Variants in AP2A2 observed in about 807,000 individuals in gnomAD.
AP2A2 encodes AP-2 complex subunit alpha-2.
AP2A2 carries 32 observed loss-of-function variants against 104.2 expected under a neutral mutation model. That is an observed-to-expected ratio of 0.31 (90% CI 0.23 to 0.41). The LOEUF (loss-of-function observed/expected upper bound fraction) is 0.41, where lower values mean the gene tolerates loss of function less well. AP2A2 is among the 10% of genes least tolerant of loss of function. The pLI is 1.00. For missense variants in AP2A2, 912 were observed against 1,261.0 expected, an observed-to-expected ratio of 0.72 and a Z score of 4.19; for synonymous variants, 539 against 533.3, an observed-to-expected ratio of 1.01 and a Z score of -0.15.
At chr11:962,705 C>T (rs1252689094) in intron 2 of AP2A2, among the ~76,000 whole-genome samples, 2 of 151,960 alleles carry the variant, frequency 1.3e-5, no homozygotes, top group Non-Finnish European at 2.9e-5. Context: ...TGCACTCCAG[C>T]CTGGGAGACA....
In AP2A2 at chr11:993,187, C is replaced by A; in HGVS notation, c.1453-97C>A. On this transcript the variant is annotated intron_variant, in intron 11 of 21. Coordinates refer to ENST00000448903, the MANE Select transcript of AP2A2 (RefSeq NM_012305.4). This position sits in a 1 kb window ranked among gnomAD's most constrained non-coding sequence, Gnocchi z 8.2. Reference sequence around the variant, plus strand: ...CTGGGGTCTCCAGGAAGCTGAGGGGCTGGTGCTGGTGTAGGGTGCACCGCG... The same window carrying A: ...CTGGGGTCTCCAGGAAGCTGAGGGGATGGTGCTGGTGTAGGGTGCACCGCG... The A allele has an allele frequency of 1.1e-6, 1 of 891,452 alleles. No homozygotes were observed. Among genetic ancestry groups the A allele is most frequent in the Non-Finnish European group, 1.7e-6 (1 of 602,150 alleles). The allele number at this position is 891,452 out of a possible 1,614,324, so 55.2% of individuals were successfully genotyped here. A position where few individuals can be genotyped will look rare whatever the true frequency, so the allele number is the denominator to read the frequency against.
At chr11:962,396 T>C (rs939677280) in intron 2 of AP2A2, among the ~76,000 whole-genome samples, 1 of 152,220 alleles carries the variant, frequency 6.6e-6, no homozygotes, top group African/African-American at 2.4e-5. Context: ...AATCATCTAA[T>C]GTGTTGAGGT....
chr11:968,834 C>A lies in AP2A2; in HGVS notation c.137-1335C>A, dbSNP rs1189050269. Among the ~76,000 whole-genome samples, 1 of 152,176 alleles carries A rather than the reference C, an allele frequency of 6.6e-6. No homozygotes were observed. Among genetic ancestry groups the A allele is most frequent in the Non-Finnish European group, 1.5e-5 (1 of 68,032 alleles). On this transcript the variant is annotated intron_variant, in intron 2 of 21. Coordinates refer to ENST00000448903, the MANE Select transcript of AP2A2 (RefSeq NM_012305.4). This position sits in a 1 kb window ranked among gnomAD's most constrained non-coding sequence, Gnocchi z 4.2. ...TCGGGTCTGCTTTTATTTATATCAT[C>A]TGGTCTTTTAAATTATGTTAATTTG...
At chr11:951,257 G>A (rs1474639313) in intron 1 of AP2A2, among the ~76,000 whole-genome samples, 2 of 152,028 alleles carry the variant, frequency 1.3e-5, no homozygotes, top group Admixed American at 1.3e-4. Context: ...ATGAGGCCAG[G>A]CACTCCCAGC....
chr11:967,930 A>G (rs1854677915), intron 2 of AP2A2, among the ~76,000 whole-genome samples: 9 of 152,222 alleles, frequency 5.9e-5, no homozygotes, highest in Admixed American at 5.9e-4. Flanking sequence ...AGAATAAAAA[A>G]GTAATTCTAG....
In AP2A2 at chr11:1,009,321, C is replaced by T. The variant is rs776965638; in HGVS notation, c.2538-7C>T. On this transcript the variant is annotated splice_region_variant and splice_polypyrimidine_tract_variant and intron_variant, in intron 19 of 21. Transcript: ENST00000448903. ...CTGAGAACACTCGCCTTTGCTGTTT[C>T]TCACAGTCCACAGCAGGAAGTGCAG... is the stretch of plus-strand genomic sequence containing the variant. The T allele has an allele frequency of 1.2e-6, 2 of 1,613,576 alleles. No individual in the cohort carries two copies. The highest frequency in any genetic ancestry group is 1.3e-5 in the African/African-American group (1 of 75,052).
chr11:1,007,525 A>G (rs138417008), intron 17 of AP2A2: 1 of 182,196 alleles, frequency 5.5e-6, no homozygotes, highest in East Asian at 1.8e-4. Context: ...TCCTGGACCC[A>G]GCTTTGCTGC....
At chr11:1,001,658 G>A (rs569353620) in intron 15 of AP2A2, among the ~76,000 whole-genome samples, 1 of 152,096 alleles carries the variant, frequency 6.6e-6, no homozygotes, top group Non-Finnish European at 1.5e-5. Context: ...GAGTCGCTGT[G>A]TTTGAGATTG....
Position 986,708 on chromosome 11 carries a change from T to G in AP2A2, c.963-77T>G, listed in dbSNP as rs529259457. The stretch of plus-strand genomic sequence containing the variant: ...CTTTGCTGTCTGCCATCTGGACCCG[T>G]CGGGGAACGCAGACTCTGTCCAGTT... On this transcript the variant is annotated intron_variant, in intron 8 of 21. Transcript: ENST00000448903. 58 of 1,520,510 alleles carry G rather than the reference T, an allele frequency of 3.8e-5. No homozygotes were observed. In the East Asian group the frequency reaches 1.3e-3, roughly 33 times the overall value. 94.2% of individuals were successfully genotyped at this position (1,520,510 alleles called of 1,614,324 possible).
chr11:952,966 A>G (rs1196860562), intron 1 of AP2A2, among the ~76,000 whole-genome samples: 1 of 152,198 alleles, frequency 6.6e-6, no homozygotes, highest in Non-Finnish European at 1.5e-5. Flanking sequence ...CTGCTCCTTT[A>G]CAGGAGAGCC....
intron 6 of AP2A2, among the ~76,000 whole-genome samples, chr11:983,564 T>C (rs1480882259): frequency 1.3e-5 from 2 of 151,594 alleles, no homozygotes; most frequent in East Asian, 3.9e-4. Flanking sequence ...TTGTATTTTT[T>C]AGTAGAGATG....
intron 2 of AP2A2, among the ~76,000 whole-genome samples, chr11:964,288 TTGAG>T (rs1854539414): frequency 6.6e-6 from 1 of 152,224 alleles, no homozygotes; most frequent in African/African-American, 2.4e-5. Context: ...GCTACCCTGT[TTGAG>T]TGGGGCATCA....
In AP2A2 at chr11:968,390, C is replaced by T. The variant is rs887231827; in HGVS notation, c.137-1779C>T. Reference sequence around the variant, plus strand: ...GGGTCCCGCGGGAGCAGAGGCTGGTCGGCTCCTCTCGGAGAGAGCCTGTCT... The same window carrying T: ...GGGTCCCGCGGGAGCAGAGGCTGGTTGGCTCCTCTCGGAGAGAGCCTGTCT... On this transcript the variant is annotated intron_variant, in intron 2 of 21. Transcript: ENST00000448903. The surrounding 1 kb of genome is among the most constrained non-coding windows in gnomAD (Gnocchi z 4.2). 3.9e-5 allele frequency among the ~76,000 whole-genome samples: 6 copies of T among 152,062 alleles called. No individual in the cohort carries two copies. The highest frequency in any genetic ancestry group is 3.2e-3 in the Middle Eastern group (1 of 316).
chr11:969,668 G>A (rs1196683901), intron 2 of AP2A2, among the ~76,000 whole-genome samples: 1 of 152,212 alleles, frequency 6.6e-6, no homozygotes, highest in East Asian at 1.9e-4. Context: ...GAAGCCCTAG[G>A]GGCCGTCGCG....
intron 1 of AP2A2, among the ~76,000 whole-genome samples, chr11:944,122 G>T (rs1299787844): frequency 6.6e-6 from 1 of 152,208 alleles, no homozygotes; most frequent in East Asian, 1.9e-4. Flanking sequence ...GCACTCGTTT[G>T]GAGGAAAAGC....
chr11:927,976 C>T (rs1853173034), intron 1 of AP2A2, among the ~76,000 whole-genome samples: 1 of 152,158 alleles, frequency 6.6e-6, no homozygotes, highest in South Asian at 2.1e-4. Flanking sequence ...GGGACAAAGA[C>T]TGAGTACCCT....
intron 2 of AP2A2, among the ~76,000 whole-genome samples, chr11:969,219 C>CTTTTTTTTTTTTTTTTTTTTTTT (rs1564799363): frequency 8.9e-6 from 1 of 112,812 alleles, no homozygotes; most frequent in African/African-American, 3.3e-5. Context: ...GTAGAACAGC[C>CTTTTTTTTTTTTTTTTTTTTTTT]CTTTTTTTTT....
At chr11:994,742 C>T (rs1470799998) in intron 14 of AP2A2, among the ~76,000 whole-genome samples, 4 of 143,078 alleles carry the variant, frequency 2.8e-5, no homozygotes, top group African/African-American at 1.1e-4. Context: ...CCCTGCTGGA[C>T]GCCCCCCTGG....
intron 4 of AP2A2, among the ~76,000 whole-genome samples, chr11:975,585 A>G (rs12800982): frequency 1.3e-5 from 2 of 150,922 alleles, no homozygotes; most frequent in African/African-American, 2.4e-5. Flanking sequence ...GTCGGAGAGT[A>G]GCGGTGGGGT....
Sources: allele counts gnomAD v4.1 joint callset (sites outside exome capture counted in the v4.1 genomes callset), GRCh38; gene constraint gnomAD v4.1.1; non-coding constraint Gnocchi (gnomAD v3.1); transcripts MANE v1.5; gene names NCBI Gene and HGNC (gene_info 2026-07-23, HGNC 2026-07-21).